Variants in IL1RN observed in about 807,000 individuals in gnomAD.
IL1RN encodes interleukin-1 receptor antagonist protein.
A neutral mutation model predicts 13.7 loss-of-function variants in IL1RN; 10 were observed. That is an observed-to-expected ratio of 0.73 (90% confidence interval 0.45 to 1.24). The LOEUF is 1.24. IL1RN is among the 50% of genes most tolerant of loss of function. The pLI is 0.00. For synonymous variants in IL1RN, 102 were observed against 82.7 expected (o/e 1.23, Z -1.27); for missense variants, 213 against 222.1 (o/e 0.96, Z 0.26).
chr2:113,123,509 G>A (rs1686851044), upstream of IL1RN, among the ~76,000 whole-genome samples: 1 of 152,204 alleles, frequency 6.6e-6, no homozygotes, highest in Non-Finnish European at 1.5e-5. Context: ...TCCTCTGAAT[G>A]ATCTCAAGTC....
chr2:113,101,040 A>T, the IL1RN span, among the ~76,000 whole-genome samples: 10 of 152,250 alleles, frequency 6.6e-5, no homozygotes, highest in African/African-American at 2.4e-4. Flanking sequence ...TAGTGTCTTC[A>T]ACAAAGAACA....
chr2:113,125,602 A>G (rs936165077), upstream of IL1RN, among the ~76,000 whole-genome samples: 10 of 152,256 alleles, frequency 6.6e-5, no homozygotes, highest in African/African-American at 2.4e-4. Flanking sequence ...TTGAAGGATT[A>G]ACTCTCTGGA....
chr2:113,102,583 G>C (rs2104415390), upstream of IL1RN, among the ~76,000 whole-genome samples: 1 of 152,332 alleles, frequency 6.6e-6, no homozygotes, highest in African/African-American at 2.4e-5. Flanking sequence ...GAGCAACAAG[G>C]CTGTTTATTT....
chr2:113,117,215 C>T (rs4251966), upstream of IL1RN, among the ~76,000 whole-genome samples: 498 of 152,332 alleles, frequency 3.3e-3, 3 homozygotes, highest in African/African-American at 0.012. Context: ...ACGGCAGAGG[C>T]CAGGTATAGG....
rs373136455 is a variant in IL1RN, at chr2:113,129,567, C to T, written c.117-9C>T. Reference sequence around the variant, plus strand: ...CTGTGCACTACAGCTGAGTCCTTTTCCTTTTCAGAATCTGGGATGTTAACC... The same window carrying T: ...CTGTGCACTACAGCTGAGTCCTTTTTCTTTTCAGAATCTGGGATGTTAACC... On this transcript the variant is annotated splice_polypyrimidine_tract_variant and intron_variant, in intron 1 of 3. Coordinates refer to ENST00000409930, the MANE Select transcript of IL1RN (RefSeq NM_173842.3). The T allele has an allele frequency of 2.7e-4, 422 of 1,589,696 alleles. No homozygotes were observed. Among genetic ancestry groups the T allele is most frequent in the Non-Finnish European group, 3.3e-4 (380 of 1,157,844 alleles).
intron 1 of IL1RN, among the ~76,000 whole-genome samples, chr2:113,112,563 T>C (rs572751981): frequency 6.6e-6 from 1 of 152,262 alleles, no homozygotes; most frequent in East Asian, 1.9e-4. Flanking sequence ...CCTTTGAATG[T>C]TACAGTTTAG....
chr2:113,113,989 G>A (rs762682093), upstream of IL1RN, among the ~76,000 whole-genome samples: 1 of 152,142 alleles, frequency 6.6e-6, no homozygotes, highest in Non-Finnish European at 1.5e-5. Context: ...CTTATGGGTT[G>A]CTTGTTGGCT....
intron 1 of IL1RN, among the ~76,000 whole-genome samples, chr2:113,119,304 G>A (rs902046173): frequency 6.6e-6 from 1 of 152,278 alleles, no homozygotes; most frequent in Middle Eastern, 3.4e-3. Flanking sequence ...TATGAGGAAG[G>A]GCTATTATTG....
At chr2:113,100,634 G>A in the IL1RN span, among the ~76,000 whole-genome samples, 7 of 152,196 alleles carry the variant, frequency 4.6e-5, no homozygotes, top group Non-Finnish European at 8.8e-5. Flanking sequence ...ACTGAGGCTC[G>A]GAGAGGTTAA....
Position 113,131,088 on chromosome 2 carries a change from G to A in IL1RN, c.249G>A (p.Leu83=), listed in dbSNP as rs1292754474. The change falls in exon 3 of 4, where the codon TTG becomes TTA. Residue 83 remains leucine, a synonymous_variant. Coordinates refer to ENST00000409930, the MANE Select transcript of IL1RN (RefSeq NM_173842.3). ...VVPIEPHALF[L]GIHGGKMCLS... Reference sequence around the variant, plus strand: ...CCATTGAGCCTCATGCTCTGTTCTTGGGAATCCATGGAGGGAAGATGTGCC... The same window carrying A: ...CCATTGAGCCTCATGCTCTGTTCTTAGGAATCCATGGAGGGAAGATGTGCC... The A allele has an allele frequency of 6.2e-7, 1 of 1,613,834 alleles. No individual in the cohort carries two copies. The highest frequency in any genetic ancestry group is 1.7e-5 in the Admixed American group (1 of 60,028).
upstream of IL1RN, among the ~76,000 whole-genome samples, chr2:113,125,839 C>T (rs1489654206): frequency 6.6e-6 from 1 of 152,192 alleles, no homozygotes; most frequent in East Asian, 1.9e-4. Context: ...TACTCTGTTG[C>T]CTAGGCTGGA....
At chr2:113,100,487 T>C in the IL1RN span, among the ~76,000 whole-genome samples, 14 of 152,144 alleles carry the variant, frequency 9.2e-5, no homozygotes, top group African/African-American at 3.1e-4. Context: ...TGGTCCCTTA[T>C]GGAGACAAAG....
At chr2:113,114,648 AGTGTGTGTGTGTCTGTGTTTGT>A (rs1420816377), upstream of IL1RN, among the ~76,000 whole-genome samples, 7 of 151,356 alleles carry the variant, frequency 4.6e-5, no homozygotes, top group East Asian at 1.2e-3. Context: ...TCCGTGTGTG[AGTGTGTGTGTGTCTGTGTTTGT>A]GTGTGTGTGT....
chr2:113,129,259 T>A (rs1687072186), intron 1 of IL1RN, among the ~76,000 whole-genome samples: 1 of 152,138 alleles, frequency 6.6e-6, no homozygotes, highest in African/African-American at 2.4e-5. Flanking sequence ...TCCCAGAAAG[T>A]TCTTTTGGAT....
intron 3 of IL1RN, among the ~76,000 whole-genome samples, 153 bp downstream of exon 3, chr2:113,131,310 T>C (rs1687161967): frequency 6.6e-6 from 1 of 152,234 alleles, no homozygotes; most frequent in South Asian, 2.1e-4. Context: ...GAAGCTGCAT[T>C]CAGCAGAGTG....
At chr2:113,109,600 G>A (rs910849958), upstream of IL1RN, among the ~76,000 whole-genome samples, 2 of 148,924 alleles carry the variant, frequency 1.3e-5, no homozygotes, top group African/African-American at 4.9e-5. Context: ...GTAAAGGGAT[G>A]GAAGAACACA....
chr2:113,108,266 T>A (rs1053260008), upstream of IL1RN, among the ~76,000 whole-genome samples: 1 of 152,102 alleles, frequency 6.6e-6, no homozygotes, highest in Non-Finnish European at 1.5e-5. Context: ...AAATTTTTTT[T>A]ATTATTATTA....
At chr2:113,117,842 G>A (rs1265748370), upstream of IL1RN, 2 of 700,548 alleles carry the variant, frequency 2.9e-6, no homozygotes, top group African/African-American at 3.5e-5. Flanking sequence ...TGAGTGTGTG[G>A]GAGGGGAGGC....
At chr2:113,121,153 G>A (rs925960633) in intron 2 of IL1RN, among the ~76,000 whole-genome samples, 8 of 105,696 alleles carry the variant, frequency 7.6e-5, no homozygotes, top group African/African-American at 1.3e-4. Flanking sequence ...CTTCGTCTTC[G>A]TCTTCTTTTT....
Sources: allele counts gnomAD v4.1 joint callset (sites outside exome capture counted in the v4.1 genomes callset), GRCh38; gene constraint gnomAD v4.1.1; transcripts MANE v1.5; gene names NCBI Gene and HGNC (gene_info 2026-07-23, HGNC 2026-07-21).